Variants in LAMA3 observed in about 807,000 individuals in gnomAD.
The protein encoded by LAMA3 is laminin subunit alpha 3, also known as laminin subunit alpha-3.
Under a neutral mutation model 402.0 loss-of-function variants are expected in LAMA3, and 281 were observed. That is an observed-to-expected ratio of 0.70 (90% CI 0.63 to 0.77). LAMA3 has a LOEUF of 0.77. Among genes scored for constraint, LAMA3 ranks in the 30% least tolerant of loss-of-function variants. The probability of loss-of-function intolerance (pLI) is 0.00; values close to 1 mark genes in which losing one functional copy is unlikely to be tolerated. For missense variants in LAMA3, 3,840 were observed against 4,215.5 expected (o/e 0.91, Z 2.47); for synonymous variants, 1,431 against 1,558.4 (o/e 0.92, Z 1.93).
intron 52 of LAMA3, among the ~76,000 whole-genome samples, 169 bp from the exon 53 acceptor site, chr18:23,907,381 A>C (rs1299609012): frequency 6.6e-6 from 1 of 152,196 alleles, no homozygotes; most frequent in East Asian, 1.9e-4. Context: ...TAACTGGAGG[A>C]TCCCAGAGCT....
chr18:23,847,379 C>A, intron 31 of LAMA3, 85 bp from the exon 32 acceptor site: 1 of 1,423,590 alleles, frequency 7.0e-7, no homozygotes, highest in Non-Finnish European at 9.8e-7. Context: ...TTGGAGGCTT[C>A]TGGAAAGCCT....
At chr18:23,776,999 C>G (rs925145954) in intron 10 of LAMA3, among the ~76,000 whole-genome samples, 1 of 152,022 alleles carries the variant, frequency 6.6e-6, no homozygotes, top group Non-Finnish European at 1.5e-5. Flanking sequence ...TGCCACCACG[C>G]CTGGCTAATT....
chr18:23,717,613 C>T (rs916107085), intron 2 of LAMA3, among the ~76,000 whole-genome samples: 3 of 119,056 alleles, frequency 2.5e-5, no homozygotes, highest in East Asian at 2.7e-4. Context: ...AGTGCAGTGG[C>T]GTGATATCAG....
chr18:23,899,168 C>T (rs1394805948), intron 46 of LAMA3, 103 bp downstream of exon 46: 1 of 1,280,708 alleles, frequency 7.8e-7, no homozygotes, highest in Admixed American at 2.0e-5. Context: ...GAAAAGAATC[C>T]CATAGTGATA....
chr18:23,900,696 C>T (rs1334232913), intron 47 of LAMA3, among the ~76,000 whole-genome samples: 1 of 152,116 alleles, frequency 6.6e-6, no homozygotes, highest in Non-Finnish European at 1.5e-5. Flanking sequence ...GGTTAATATA[C>T]AGATACTAGC....
intron 12 of LAMA3, among the ~76,000 whole-genome samples, chr18:23,794,486 C>T (rs1195959584): frequency 1.3e-5 from 2 of 152,210 alleles, no homozygotes; most frequent in South Asian, 2.1e-4. Context: ...CCCACTCCCA[C>T]CCCCAGCCCA....
chr18:23,896,380 T>C (rs758278334), intron 44 of LAMA3, among the ~76,000 whole-genome samples: 1 of 152,088 alleles, frequency 6.6e-6, no homozygotes, highest in Non-Finnish European at 1.5e-5. Context: ...AAAAGAAATG[T>C]GTTGTTTAAT....
At chr18:23,799,110 C>T (rs2062821909) in intron 12 of LAMA3, among the ~76,000 whole-genome samples, 1 of 152,172 alleles carries the variant, frequency 6.6e-6, no homozygotes, top group African/African-American at 2.4e-5. Flanking sequence ...ACATTTAATC[C>T]TGGAAGGTAT....
intron 68 of LAMA3, among the ~76,000 whole-genome samples, chr18:23,940,928 CTCTT>C: frequency 7.2e-6 from 1 of 138,454 alleles, no homozygotes; most frequent in Middle Eastern, 3.7e-3. Context: ...AATGACCTCC[CTCTT>C]TCTTTTCTTT....
intron 12 of LAMA3, among the ~76,000 whole-genome samples, chr18:23,786,900 T>A (rs2062555710): frequency 6.6e-6 from 1 of 152,064 alleles, no homozygotes; most frequent in Non-Finnish European, 1.5e-5. Flanking sequence ...CAACAGTAAA[T>A]TGAGCTAGCA....
chr18:23,799,987 T>C (rs1042615704), intron 12 of LAMA3, among the ~76,000 whole-genome samples: 2 of 152,226 alleles, frequency 1.3e-5, no homozygotes, highest in African/African-American at 4.8e-5. Context: ...ATCTGCTTTA[T>C]TCAAAGTCTA....
intron 11 of LAMA3, among the ~76,000 whole-genome samples, chr18:23,782,792 C>A (rs554205953): frequency 1.5e-5 from 2 of 136,472 alleles, no homozygotes; most frequent in Non-Finnish European, 3.0e-5. Flanking sequence ...CCTTTCTGAG[C>A]ATCTTTTTTT....
At chr18:23,844,816 A>G (rs1228876774) in intron 29 of LAMA3, among the ~76,000 whole-genome samples, 193 bp from the exon 30 acceptor site, 2 of 152,214 alleles carry the variant, frequency 1.3e-5, no homozygotes, top group African/African-American at 4.8e-5. Flanking sequence ...AAAATCCCAA[A>G]TCCAAAATGC....
chr18:23,735,297 C>G (rs940626722), intron 2 of LAMA3, among the ~76,000 whole-genome samples: 3 of 152,162 alleles, frequency 2.0e-5, no homozygotes, highest in Admixed American at 6.5e-5. Context: ...GTCATTTGAC[C>G]AGAACATGCA....
chr18:23,877,714 A>G (rs909346098), intron 39 of LAMA3, among the ~76,000 whole-genome samples: 5 of 152,226 alleles, frequency 3.3e-5, no homozygotes, highest in Non-Finnish European at 5.9e-5. Context: ...AAAAGAGTAA[A>G]GGGTATTGGG....
chr18:23,928,016 C>G (rs2082056142), intron 62 of LAMA3, 107 bp from the exon 63 acceptor site: 2 of 814,222 alleles, frequency 2.5e-6, no homozygotes, highest in African/African-American at 3.4e-5. Context: ...ACATAAAACA[C>G]CTACTCATTT....
intron 32 of LAMA3, among the ~76,000 whole-genome samples, chr18:23,856,605 T>C (rs1415335996): frequency 1.3e-5 from 2 of 152,124 alleles, no homozygotes; most frequent in East Asian, 3.9e-4. Context: ...TTGTGTTTTC[T>C]TGTCTGCCCG....
At chr18:23,858,116 CATTTTATAGT>C in intron 33 of LAMA3, 128 bp downstream of exon 33, 1 of 1,103,488 alleles carries the variant, frequency 9.1e-7, no homozygotes, top group Non-Finnish European at 1.3e-6. Context: ...GTGTATGTAG[CATTTTATAGT>C]CACGATCTCA....
chr18:23,740,953 A>G (rs1456745949), intron 2 of LAMA3, among the ~76,000 whole-genome samples: 1 of 146,302 alleles, frequency 6.8e-6, no homozygotes, highest in East Asian at 2.0e-4. Context: ...TAAACCAAGC[A>G]CACTTTTTTT....
Sources: gnomAD v4.1 joint callset for allele counts (sites outside exome capture counted in the v4.1 genomes callset) on GRCh38, gnomAD v4.1.1 for gene constraint, MANE v1.5 for transcripts, NCBI Gene and HGNC (gene_info 2026-07-23, HGNC 2026-07-21) for gene names.